Variants in CDH13 observed in about 807,000 individuals in gnomAD.
CDH13 encodes the protein cadherin 13.
CDH13 carries 24 observed loss-of-function variants against 63.8 expected under a neutral mutation model. The observed-to-expected ratio is 0.38, with a 90% CI of 0.27 to 0.53. CDH13 has a LOEUF of 0.53. CDH13 is among the 20% of genes least tolerant of loss of function. The pLI is 0.85. For missense variants in CDH13, 1,049 were observed against 903.1 expected, an observed-to-expected ratio of 1.16 and a Z score of -2.07; for synonymous variants, 503 against 355.3, an observed-to-expected ratio of 1.42 and a Z score of -4.67.
At chr16:83,597,818 A>G (rs999641008) in intron 7 of CDH13, among the ~76,000 whole-genome samples, 1 of 152,204 alleles carries the variant, frequency 6.6e-6, no homozygotes, top group African/African-American at 2.4e-5. Flanking sequence ...AAAATTATTT[A>G]TAAAATTTGT....
chr16:83,318,499 A>C (rs1440606260), intron 5 of CDH13, among the ~76,000 whole-genome samples: 1 of 152,230 alleles, frequency 6.6e-6, no homozygotes, highest in Non-Finnish European at 1.5e-5. Context: ...TTTGAATGAA[A>C]GATCCCACAT....
At chr16:82,836,813 A>T (rs1470946473) in intron 1 of CDH13, among the ~76,000 whole-genome samples, 2 of 152,156 alleles carry the variant, frequency 1.3e-5, no homozygotes, top group African/African-American at 4.8e-5. Flanking sequence ...AGTCATTCTA[A>T]TCTGCATTTT....
At chr16:83,746,411 A>C (rs927701728) in intron 10 of CDH13, among the ~76,000 whole-genome samples, 1 of 152,128 alleles carries the variant, frequency 6.6e-6, no homozygotes, top group Non-Finnish European at 1.5e-5. Context: ...GCAAACCACA[A>C]ACAACCCCAA....
chr16:82,730,673 C>A (rs764419492), intron 1 of CDH13, among the ~76,000 whole-genome samples: 1 of 152,214 alleles, frequency 6.6e-6, no homozygotes, highest in African/African-American at 2.4e-5. Context: ...CACCAATACA[C>A]TTGCTCAATG....
At chr16:83,011,185 G>T (rs941802798) in intron 2 of CDH13, among the ~76,000 whole-genome samples, 3 of 152,140 alleles carry the variant, frequency 2.0e-5, no homozygotes, top group African/African-American at 7.2e-5. Flanking sequence ...GTTGTTTGGA[G>T]ACTAGGTTTT....
intron 5 of CDH13, among the ~76,000 whole-genome samples, chr16:83,275,140 C>A (rs1447483408): frequency 6.6e-6 from 1 of 152,130 alleles, no homozygotes. Context: ...ATTAGACATC[C>A]AATACATGTT....
intron 5 of CDH13, among the ~76,000 whole-genome samples, chr16:83,247,530 C>G (rs1004671537): frequency 6.6e-6 from 1 of 151,870 alleles, no homozygotes; most frequent in African/African-American, 2.4e-5. Flanking sequence ...GTTAAACATG[C>G]ATGTGATTCA....
intron 1 of CDH13, among the ~76,000 whole-genome samples, chr16:82,806,707 CAGGGAG>C (rs1218743353): frequency 1.7e-4 from 26 of 151,932 alleles, no homozygotes; most frequent in African/African-American, 6.3e-4. Context: ...CTCTGCAGGG[CAGGGAG>C]AGCTGGAGAG....
At chr16:83,768,806 C>T (rs1271273677) in intron 11 of CDH13, among the ~76,000 whole-genome samples, 3 of 152,040 alleles carry the variant, frequency 2.0e-5, no homozygotes, top group African/African-American at 4.8e-5. Context: ...TCACTCTCAT[C>T]GCCATCTTGG....
chr16:83,544,446 A>G (rs1208050886), intron 7 of CDH13, among the ~76,000 whole-genome samples: 1 of 152,156 alleles, frequency 6.6e-6, no homozygotes, highest in Non-Finnish European at 1.5e-5. Flanking sequence ...TTTAATACAC[A>G]TAACCTGCTA....
At chr16:83,364,829 T>A (rs1324333980) in intron 6 of CDH13, among the ~76,000 whole-genome samples, 3 of 152,152 alleles carry the variant, frequency 2.0e-5, no homozygotes, top group Non-Finnish European at 2.9e-5. Context: ...AAACACCACA[T>A]GTTCTCCCTC....
intron 6 of CDH13, among the ~76,000 whole-genome samples, chr16:83,482,260 C>G (rs764077794): frequency 8.5e-5 from 13 of 152,328 alleles, no homozygotes; most frequent in African/African-American, 2.6e-4. Context: ...GTGTCAGACA[C>G]TGGGCTTACA....
At chr16:83,461,079 G>A (rs2073168519) in intron 6 of CDH13, among the ~76,000 whole-genome samples, 1 of 151,830 alleles carries the variant, frequency 6.6e-6, no homozygotes, top group African/African-American at 2.4e-5. Flanking sequence ...CTAAGATCAT[G>A]GAGGAACACA....
intron 5 of CDH13, among the ~76,000 whole-genome samples, chr16:83,255,405 C>T (rs917972421): frequency 6.6e-6 from 1 of 152,168 alleles, no homozygotes; most frequent in African/African-American, 2.4e-5. Flanking sequence ...GGCTTTCCCA[C>T]AGATAAAAGA....
rs539644774 is a variant in CDH13 at position 83,091,270 on chromosome 16, G to GA, written c.367-34104dup. Among the ~76,000 whole-genome samples, 749 of 143,066 alleles carry GA rather than the reference G, an allele frequency of 5.2e-3. 3 individuals are homozygous for GA. Among genetic ancestry groups the GA allele is most frequent in the African/African-American group, 0.018 (690 of 39,144 alleles). The allele number at this position is 143,066 out of a possible 152,430, so 93.9% of individuals were successfully genotyped here. A position where few individuals can be genotyped will look rare whatever the true frequency, so the allele number is the denominator to read the frequency against. On this transcript the variant is annotated intron_variant, in intron 3 of 13. Coordinates refer to ENST00000567109, the MANE Select transcript of CDH13 (RefSeq NM_001257.5). ...CCTTTTTCTCCATCTTCTGCTATCA[G>GA]AAAAAAAAAAATTCCATGAGCACTT...
At chr16:83,645,573 A>C (rs546442149) in intron 8 of CDH13, among the ~76,000 whole-genome samples, 12 of 150,740 alleles carry the variant, frequency 8.0e-5, no homozygotes, top group Admixed American at 6.6e-5. Flanking sequence ...ATTTTTTTAA[A>C]GGTACTCCAT....
intron 1 of CDH13, among the ~76,000 whole-genome samples, chr16:82,656,393 A>G (rs1158389099): frequency 6.6e-6 from 1 of 152,026 alleles, no homozygotes; most frequent in Admixed American, 6.6e-5. Context: ...ACCTGGTAGC[A>G]TTTTTTAAAA....
At position 83,107,306 on chromosome 16, in the gene CDH13, C is replaced by T. The variant is rs151243880; in HGVS notation, c.367-18079C>T. 1.5e-3 allele frequency among the ~76,000 whole-genome samples: 200 copies of T among 131,290 alleles called. 1 individual carries two copies. The highest frequency in any genetic ancestry group is 5.4e-3 in the African/African-American group (183 of 33,610). The allele number at this position is 131,290 out of a possible 152,430, so 86.1% of individuals were successfully genotyped here. Reference sequence around the variant, plus strand: ...TATGGGGAAATTTTGAAAAAGAGTTCGTTGGGGTTGGTGGTGGTTGTGGTG... The same window carrying T: ...TATGGGGAAATTTTGAAAAAGAGTTTGTTGGGGTTGGTGGTGGTTGTGGTG... On this transcript the variant is annotated intron_variant, in intron 3 of 13. Coordinates refer to ENST00000567109, the MANE Select transcript of CDH13 (RefSeq NM_001257.5).
At chr16:83,038,984 C>G (rs193087520) in intron 3 of CDH13, among the ~76,000 whole-genome samples, 1 of 152,320 alleles carries the variant, frequency 6.6e-6, no homozygotes, top group East Asian at 1.9e-4. Flanking sequence ...GGTTTGGGAA[C>G]TAAAGATACT....
Sources: gnomAD v4.1 joint callset for allele counts (sites outside exome capture counted in the v4.1 genomes callset) on GRCh38, gnomAD v4.1.1 for gene constraint, MANE v1.5 for transcripts, NCBI Gene and HGNC (gene_info 2026-07-23, HGNC 2026-07-21) for gene names.